The following KCNQ1 variants were observed in gnomAD, a reference collection of about 807,000 sequenced individuals.
KCNQ1 encodes potassium voltage-gated channel subfamily Q member 1, also known as potassium voltage-gated channel subfamily KQT member 1.
KCNQ1 carries 49 observed loss-of-function variants against 72.4 expected under a neutral mutation model. That is an observed-to-expected ratio of 0.68 (90% CI 0.54 to 0.86). The LOEUF is 0.86. KCNQ1 is among the 40% of genes least tolerant of loss of function. The probability of loss-of-function intolerance (pLI) is 0.00; values close to 1 mark genes in which losing one functional copy is unlikely to be tolerated. For synonymous variants in KCNQ1, 450 were observed against 412.6 expected, an observed-to-expected ratio of 1.09 and a Z score of -1.10; for missense variants, 790 against 945.1, an observed-to-expected ratio of 0.84 and a Z score of 2.15.
chr11:2,791,602 G>A (rs1847023806), intron 15 of KCNQ1, among the ~76,000 whole-genome samples: 1 of 152,178 alleles, frequency 6.6e-6, no homozygotes, highest in Admixed American at 6.5e-5. Context: ...GGGGAAGGAA[G>A]GACGGGGCGA....
chr11:2,680,227 A>G (rs1850370352), intron 11 of KCNQ1: 2 of 382,460 alleles, frequency 5.2e-6, no homozygotes, highest in East Asian at 3.8e-5. Flanking sequence ...AAAAAAAAAA[A>G]GTTGTCTATC....
At chr11:2,511,249 A>C (rs1429351242) in intron 1 of KCNQ1, among the ~76,000 whole-genome samples, 8 of 152,082 alleles carry the variant, frequency 5.3e-5, no homozygotes, top group African/African-American at 1.7e-4. Flanking sequence ...GGGGTGGGGA[A>C]GGGGGCAGCC....
In KCNQ1 at chr11:2,664,310, C is replaced by T. The variant is rs1027286143; in HGVS notation, c.1514+2229C>T. ...CCACCTTGAGGCATTGTGTTCTGGT[C>T]AGGGAAGACTCAGGGCTGAGGCTTC... is the stretch of plus-strand genomic sequence containing the variant. On this transcript the variant is annotated intron_variant, in intron 11 of 15. Transcript: ENST00000155840. The surrounding 1 kb of genome is among the most constrained non-coding windows in gnomAD (Gnocchi z 5.1). 2.0e-5 allele frequency: 8 copies of T among 398,926 alleles called. No homozygotes were observed. Among genetic ancestry groups the T allele is most frequent in the African/African-American group, 1.4e-4 (7 of 48,646 alleles). The allele number at this position is 398,926 out of a possible 1,614,324, so 24.7% of individuals were successfully genotyped here.
rs998982754 is a variant in KCNQ1 at position 2,809,118 on chromosome 11, A to G, written c.1794+31081A>G. On this transcript the variant is annotated intron_variant, in intron 15 of 15. Coordinates refer to ENST00000155840, the MANE Select transcript of KCNQ1 (RefSeq NM_000218.3). The surrounding 1 kb of genome is among the most constrained non-coding windows in gnomAD (Gnocchi z 7.1). The stretch of plus-strand genomic sequence containing the variant: ...TGAGTGAGTAGATGAATGAGTGGGC[A>G]GACAGACAGACACACCATCAGAAGC... Among the ~76,000 whole-genome samples the G allele has an allele frequency of 1.3e-5, 2 of 152,190 alleles. No homozygotes were observed. Among genetic ancestry groups the G allele is most frequent in the Non-Finnish European group, 1.5e-5 (1 of 68,022 alleles).
At chr11:2,833,411 C>T (rs1847994150) in intron 15 of KCNQ1, among the ~76,000 whole-genome samples, 1 of 152,166 alleles carries the variant, frequency 6.6e-6, no homozygotes, top group Admixed American at 6.5e-5. Flanking sequence ...CCCTTGGGAC[C>T]TCTGTGAAGA....
chr11:2,446,199 G>T lies in KCNQ1; in HGVS notation c.386+715G>T, dbSNP rs1458478050. Among the ~76,000 whole-genome samples the T allele has an allele frequency of 1.3e-5, 2 of 152,194 alleles. No homozygotes were observed. Among genetic ancestry groups the T allele is most frequent in the Non-Finnish European group, 2.9e-5 (2 of 68,026 alleles). On this transcript the variant is annotated intron_variant, in intron 1 of 15. Transcript: ENST00000155840. This position sits in a 1 kb window ranked among gnomAD's most constrained non-coding sequence, Gnocchi z 8.8. ...GTGGTTCCAATTCCCGGTACAGCGTGCCTGAGCAGGGCTGGGCACTGGATT... is the reference window on the plus strand; with the variant it reads ...GTGGTTCCAATTCCCGGTACAGCGTTCCTGAGCAGGGCTGGGCACTGGATT...
At chr11:2,688,328 G>C (rs1666740189) in intron 11 of KCNQ1, 1 of 398,674 alleles carries the variant, frequency 2.5e-6, no homozygotes, top group Non-Finnish European at 4.4e-6. Flanking sequence ...CACACACACA[G>C]CTTCCATGGG....
intron 11 of KCNQ1, among the ~76,000 whole-genome samples, chr11:2,743,757 C>T (rs748129630): frequency 2.6e-5 from 4 of 152,248 alleles, no homozygotes; most frequent in Non-Finnish European, 5.9e-5. Flanking sequence ...TCGTGACAGG[C>T]CTTTGAGCCT....
intron 1 of KCNQ1, chr11:2,521,394 G>A (rs1035220999): frequency 3.5e-4 from 146 of 417,720 alleles, no homozygotes; most frequent in Non-Finnish European, 5.8e-4. Flanking sequence ...TCCTCAAGGT[G>A]CCTCTCTGCT....
In KCNQ1 at chr11:2,600,184, A is replaced by G. The variant is rs2133775434; in HGVS notation, c.1393+11330A>G. ...AAGTCCTGTCTATTGCAGGATGTTT[A>G]GCAGCATCTCCGGCCTCAGTTATGA... On this transcript the variant is annotated intron_variant, in intron 10 of 15. Coordinates refer to ENST00000155840, the MANE Select transcript of KCNQ1 (RefSeq NM_000218.3). The surrounding 1 kb of genome is among the most constrained non-coding windows in gnomAD (Gnocchi z 5.6). Among the ~76,000 whole-genome samples, 1 of 152,290 alleles carries G rather than the reference A, an allele frequency of 6.6e-6. No individual in the cohort carries two copies. The highest frequency in any genetic ancestry group is 2.4e-5 in the African/African-American group (1 of 41,564).
In KCNQ1 at chr11:2,645,435, C is replaced by T. The variant is rs1849651253; in HGVS notation, c.1394-16526C>T. ...GGCCCTCCAGTAATGCAAGAATGTA[C>T]TGACTGTGGTAGGCAGGCACAGGAA... On this transcript the variant is annotated intron_variant, in intron 10 of 15. Coordinates refer to ENST00000155840, the MANE Select transcript of KCNQ1 (RefSeq NM_000218.3). This position sits in a 1 kb window ranked among gnomAD's most constrained non-coding sequence, Gnocchi z 5.8. 1 of 398,686 alleles carries T rather than the reference C, an allele frequency of 2.5e-6. No individual in the cohort carries two copies. The highest frequency in any genetic ancestry group is 2.1e-5 in the African/African-American group (1 of 48,738). The allele number at this position is 398,686 out of a possible 1,614,324, so 24.7% of individuals were successfully genotyped here.
intron 1 of KCNQ1, among the ~76,000 whole-genome samples, chr11:2,466,426 G>C (rs911675930): frequency 2.6e-5 from 4 of 152,182 alleles, no homozygotes; most frequent in African/African-American, 9.7e-5. Context: ...CAGTGCTGGG[G>C]GTCCCCTCCT....
Position 2,762,140 on chromosome 11 carries a change from G to T in KCNQ1, c.1515-6704G>T, listed in dbSNP as rs537616803. Among the ~76,000 whole-genome samples, 1 of 152,238 alleles carries T rather than the reference G, an allele frequency of 6.6e-6. No individual in the cohort carries two copies. Among genetic ancestry groups the T allele is most frequent in the African/African-American group, 2.4e-5 (1 of 41,468 alleles). ...TGGGGTGATGGAAAGAGGCCAGGACGTGAGGCCAGGGTAATAGTTCCTCTC... is the reference window on the plus strand; with the variant it reads ...TGGGGTGATGGAAAGAGGCCAGGACTTGAGGCCAGGGTAATAGTTCCTCTC... On this transcript the variant is annotated intron_variant, in intron 11 of 15. Coordinates refer to ENST00000155840, the MANE Select transcript of KCNQ1 (RefSeq NM_000218.3). This position sits in a 1 kb window ranked among gnomAD's most constrained non-coding sequence, Gnocchi z 4.3.
rs1336863682 is a variant in KCNQ1 at position 2,600,321 on chromosome 11, C to T, written c.1393+11467C>T. On this transcript the variant is annotated intron_variant, in intron 10 of 15. Coordinates refer to ENST00000155840, the MANE Select transcript of KCNQ1 (RefSeq NM_000218.3). This position sits in a 1 kb window ranked among gnomAD's most constrained non-coding sequence, Gnocchi z 5.6. ...CTCAGGATTGTTTCTTAAAACAAAA[C>T]AAACTGTTTATTTGGCCATAATTTT... is the stretch of plus-strand genomic sequence containing the variant. Among the ~76,000 whole-genome samples, 1 of 152,124 alleles carries T rather than the reference C, an allele frequency of 6.6e-6. No homozygotes were observed. Among genetic ancestry groups the T allele is most frequent in the Non-Finnish European group, 1.5e-5 (1 of 68,010 alleles).
chr11:2,838,186 G>C (rs923520117), intron 15 of KCNQ1, among the ~76,000 whole-genome samples: 1 of 152,234 alleles, frequency 6.6e-6, no homozygotes, highest in South Asian at 2.1e-4. Flanking sequence ...AGACAGAGGT[G>C]GGGATGGAAG....
At chr11:2,644,556 C>G (rs1849637441) in intron 10 of KCNQ1, 2 of 398,182 alleles carry the variant, frequency 5.0e-6, no homozygotes, top group South Asian at 2.6e-4. Context: ...TCATCAATTT[C>G]TTTTTCACTG....
intron 11 of KCNQ1, among the ~76,000 whole-genome samples, chr11:2,702,312 C>T (rs1183418670): frequency 6.6e-6 from 1 of 152,186 alleles, no homozygotes; most frequent in East Asian, 1.9e-4. Flanking sequence ...AGGAGGTAGC[C>T]TGGTGGACTC....
rs193023176 is a variant in KCNQ1 at position 2,557,541 on chromosome 11, G to A, written c.478-13087G>A. 2.8e-4 allele frequency among the ~76,000 whole-genome samples: 42 copies of A among 152,292 alleles called. 1 individual carries two copies. Among genetic ancestry groups the A allele is most frequent in the Middle Eastern group, 6.8e-3 (2 of 294 alleles). ...CTAGCACCTTCAAAATACGCATCAC[G>A]CCTGAGCTCGCTAGCCTACAGTCTG... On this transcript the variant is annotated intron_variant, in intron 2 of 15. Coordinates refer to ENST00000155840, the MANE Select transcript of KCNQ1 (RefSeq NM_000218.3).
intron 1 of KCNQ1, among the ~76,000 whole-genome samples, chr11:2,453,332 C>T (rs1041000902): frequency 7.2e-5 from 11 of 152,010 alleles, no homozygotes; most frequent in East Asian, 3.9e-4. Flanking sequence ...GAGATCACGC[C>T]GTTGCACTCC....
Sources: gnomAD v4.1 joint callset for allele counts (sites outside exome capture counted in the v4.1 genomes callset) on GRCh38, gnomAD v4.1.1 for gene constraint, Gnocchi (gnomAD v3.1) non-coding constraint, MANE v1.5 for transcripts, NCBI Gene and HGNC (gene_info 2026-07-23, HGNC 2026-07-21) for gene names.